The following GLRA3 variants were observed in gnomAD, a reference collection of about 807,000 sequenced individuals.
GLRA3 encodes the protein glycine receptor alpha 3.
A neutral mutation model predicts 60.4 loss-of-function variants in GLRA3; 44 were observed. The observed-to-expected ratio is 0.73, with a 90% CI of 0.57 to 0.94. The LOEUF (loss-of-function observed/expected upper bound fraction) is 0.94. GLRA3 is among the 40% of genes least tolerant of loss of function. The pLI is 0.00. For missense variants in GLRA3, 508 were observed against 564.6 expected (o/e 0.90, Z 1.02); for synonymous variants, 223 against 192.9 (o/e 1.16, Z -1.29).
At chr4:174,784,307 G>A (rs1384791369) in intron 2 of GLRA3, among the ~76,000 whole-genome samples, 1 of 133,934 alleles carries the variant, frequency 7.5e-6, no homozygotes, top group Non-Finnish European at 1.6e-5. Flanking sequence ...TCACACTCTG[G>A]GGACTGTTGT....
At chr4:174,709,955 A>G (rs1379631883) in intron 5 of GLRA3, among the ~76,000 whole-genome samples, 2 of 149,444 alleles carry the variant, frequency 1.3e-5, no homozygotes, top group African/African-American at 4.9e-5. Context: ...AAGAAAACAT[A>G]ATGTTGATTT....
At chr4:174,820,197 A>C (rs1740686003) in intron 1 of GLRA3, among the ~76,000 whole-genome samples, 1 of 152,204 alleles carries the variant, frequency 6.6e-6, no homozygotes, top group African/African-American at 2.4e-5. Context: ...AGGAGAGATA[A>C]GGGGCAAGTG....
At chr4:174,700,534 T>C (rs973544160) in intron 5 of GLRA3, among the ~76,000 whole-genome samples, 18 of 152,158 alleles carry the variant, frequency 1.2e-4, no homozygotes, top group Admixed American at 1.2e-3. Flanking sequence ...AAGTAGTCGC[T>C]GAAAGGAAAA....
intron 2 of GLRA3, among the ~76,000 whole-genome samples, chr4:174,777,688 C>T (rs1014774909): frequency 2.6e-5 from 4 of 152,098 alleles, no homozygotes; most frequent in Admixed American, 2.6e-4. Flanking sequence ...CAAAAATGAA[C>T]TCTAATGTAA....
At chr4:174,793,733 G>A (rs1023944362) in intron 1 of GLRA3, among the ~76,000 whole-genome samples, 32 of 151,948 alleles carry the variant, frequency 2.1e-4, no homozygotes, top group Non-Finnish European at 2.9e-5. Flanking sequence ...TCTGTTTTTA[G>A]GATTTTCCTA....
chr4:174,739,219 C>T (rs1175429575), intron 3 of GLRA3, among the ~76,000 whole-genome samples: 1 of 152,050 alleles, frequency 6.6e-6, no homozygotes, highest in Non-Finnish European at 1.5e-5. Flanking sequence ...AAGTAGGTTG[C>T]AAGGATTTGA....
At chr4:174,812,202 T>C (rs1297022046) in intron 1 of GLRA3, among the ~76,000 whole-genome samples, 1 of 152,160 alleles carries the variant, frequency 6.6e-6, no homozygotes. Flanking sequence ...ATGAAATGCA[T>C]TTTTATAAAT....
At chr4:174,718,733 T>C (rs1736018528) in intron 4 of GLRA3, among the ~76,000 whole-genome samples, 1 of 152,196 alleles carries the variant, frequency 6.6e-6, no homozygotes, top group Non-Finnish European at 1.5e-5. Flanking sequence ...TCATATTAGC[T>C]AACACATCTA....
chr4:174,732,883 A>T (rs2111146828), intron 3 of GLRA3, among the ~76,000 whole-genome samples: 1 of 152,114 alleles, frequency 6.6e-6, no homozygotes, highest in Middle Eastern at 3.4e-3. Flanking sequence ...ATAACTACCA[A>T]CTTTATGATA....
At chr4:174,809,220 A>G (rs2111363940) in intron 1 of GLRA3, among the ~76,000 whole-genome samples, 1 of 152,310 alleles carries the variant, frequency 6.6e-6, no homozygotes, top group East Asian at 1.9e-4. Context: ...TACAGTATTT[A>G]ATACTGTACA....
chr4:174,730,350 G>T (rs1561082430), intron 3 of GLRA3, among the ~76,000 whole-genome samples: 1 of 152,124 alleles, frequency 6.6e-6, no homozygotes, highest in Admixed American at 6.5e-5. Flanking sequence ...ATCAGTGATT[G>T]ACCAAATCAG....
intron 2 of GLRA3, among the ~76,000 whole-genome samples, chr4:174,773,240 G>A (rs1045661900): frequency 3.3e-5 from 5 of 151,920 alleles, no homozygotes; most frequent in Non-Finnish European, 5.9e-5. Context: ...AATTGTTCAC[G>A]ACTTTAGGCA....
intron 1 of GLRA3, among the ~76,000 whole-genome samples, chr4:174,816,553 A>C (rs1484958061): frequency 6.6e-6 from 1 of 151,928 alleles, no homozygotes; most frequent in Non-Finnish European, 1.5e-5. Context: ...ATAATTCTCC[A>C]AGTTACTAAA....
At chr4:174,698,675 C>T (rs1325941869) in intron 5 of GLRA3, among the ~76,000 whole-genome samples, 4 of 152,098 alleles carry the variant, frequency 2.6e-5, no homozygotes, top group Non-Finnish European at 4.4e-5. Context: ...CTTTGTAATA[C>T]TATAAAATTA....
Position 174,795,506 on chromosome 4 carries a change from G to A in GLRA3, c.72-6563C>T, listed in dbSNP as rs548314869. ...CATGAAATATACATTGGTCTGGGAT[G>A]GAGGAGGAATATGTAAGAGGTGATA... On this transcript the variant is annotated intron_variant, in intron 1 of 9. Coordinates refer to ENST00000274093, the MANE Select transcript of GLRA3 (RefSeq NM_006529.4). Among the ~76,000 whole-genome samples the A allele has an allele frequency of 5.9e-5, 9 of 152,218 alleles. No homozygotes were observed. The South Asian group carries it at 1.5e-3, about 25-fold the overall frequency.
intron 5 of GLRA3, among the ~76,000 whole-genome samples, chr4:174,693,933 A>T (rs1426234680): frequency 6.6e-6 from 1 of 152,176 alleles, no homozygotes; most frequent in Admixed American, 6.5e-5. Context: ...CAAGGGTTGC[A>T]ATCCTGGTTT....
At chr4:174,719,254 C>T (rs552059814) in intron 4 of GLRA3, among the ~76,000 whole-genome samples, 50 of 152,196 alleles carry the variant, frequency 3.3e-4, no homozygotes, top group African/African-American at 1.0e-3. Context: ...TGAGCCACCG[C>T]GCCCGGCCTC....
At chr4:174,805,056 GCAA>G (rs1739980541) in intron 1 of GLRA3, among the ~76,000 whole-genome samples, 1 of 152,116 alleles carries the variant, frequency 6.6e-6, no homozygotes. Flanking sequence ...ATTCCCCTGT[GCAA>G]GCTTCCAGCT....
chr4:174,733,085 T>C (rs1736617687), intron 3 of GLRA3, among the ~76,000 whole-genome samples: 1 of 152,156 alleles, frequency 6.6e-6, no homozygotes, highest in South Asian at 2.1e-4. Flanking sequence ...AGAATCCTTA[T>C]AGCTGAAAGA....
Sources: allele counts gnomAD v4.1 joint callset (sites outside exome capture counted in the v4.1 genomes callset), GRCh38; gene constraint gnomAD v4.1.1; transcripts MANE v1.5; gene names NCBI Gene and HGNC (gene_info 2026-07-23, HGNC 2026-07-21).